The following SUCLG1 variants were observed in gnomAD, a reference collection of about 807,000 sequenced individuals.
SUCLG1 encodes the protein succinate-CoA ligase GDP/ADP-forming subunit alpha.
SUCLG1 carries 26 observed loss-of-function variants against 37.3 expected under a neutral mutation model. That is an observed-to-expected ratio of 0.70 (90% CI 0.51 to 0.97). The LOEUF is 0.97. SUCLG1 is among the 50% of genes least tolerant of loss of function. The pLI is 0.00. For missense variants in SUCLG1, 433 were observed against 432.9 expected, an observed-to-expected ratio of 1.00 and a Z score of 0.00; for synonymous variants, 163 against 155.6, an observed-to-expected ratio of 1.05 and a Z score of -0.36.
At chr2:84,427,359 T>C (rs1051526468) in intron 7 of SUCLG1, among the ~76,000 whole-genome samples, 4 of 152,276 alleles carry the variant, frequency 2.6e-5, no homozygotes, top group Admixed American at 1.3e-4. Flanking sequence ...TTTCTGTCCC[T>C]TGTTAATTTA....
At chr2:84,447,533 A>G (rs1416175589) in intron 2 of SUCLG1, among the ~76,000 whole-genome samples, 3 of 152,190 alleles carry the variant, frequency 2.0e-5, no homozygotes, top group African/African-American at 7.2e-5. Context: ...AATTATATAT[A>G]ATAAATTTAT....
chr2:84,436,083 A>C (rs187621951), intron 5 of SUCLG1, among the ~76,000 whole-genome samples: 10 of 152,294 alleles, frequency 6.6e-5, no homozygotes, highest in African/African-American at 1.9e-4. Flanking sequence ...ATTTCTTGTC[A>C]ACTCTTCTTG....
chr2:84,445,827 A>C (rs1039808993), intron 2 of SUCLG1, among the ~76,000 whole-genome samples: 1 of 152,232 alleles, frequency 6.6e-6, no homozygotes, highest in Non-Finnish European at 1.5e-5. Context: ...TGGTCAAAAC[A>C]TAATGAAGAT....
At chr2:84,432,606 T>A (rs1345632579) in intron 6 of SUCLG1, 1 of 152,266 alleles carries the variant, frequency 6.6e-6, no homozygotes, top group Admixed American at 6.5e-5. Context: ...GTGCTTTGCA[T>A]GTACAAATGC....
intron 1 of SUCLG1, among the ~76,000 whole-genome samples, chr2:84,454,824 G>T (rs567165191): frequency 6.6e-6 from 1 of 152,304 alleles, no homozygotes; most frequent in East Asian, 1.9e-4. Flanking sequence ...TGGTCAAAGA[G>T]CACCTGCCCA....
At chr2:84,447,450 G>T (rs1483783096) in intron 2 of SUCLG1, among the ~76,000 whole-genome samples, 2 of 152,200 alleles carry the variant, frequency 1.3e-5, no homozygotes, top group East Asian at 3.9e-4. Flanking sequence ...CTTACACCAT[G>T]GGCAATGGTT....
chr2:84,439,631 A>G (rs1225354831), intron 5 of SUCLG1, among the ~76,000 whole-genome samples: 1 of 152,234 alleles, frequency 6.6e-6, no homozygotes, highest in Non-Finnish European at 1.5e-5. Flanking sequence ...CCAATTCTGT[A>G]AACTGCACAG....
At chr2:84,447,196 T>A (rs573817277) in intron 2 of SUCLG1, among the ~76,000 whole-genome samples, 3 of 152,222 alleles carry the variant, frequency 2.0e-5, no homozygotes, top group Non-Finnish European at 2.9e-5. Flanking sequence ...TGAGACAATA[T>A]GCAGATTTAC....
intron 5 of SUCLG1, among the ~76,000 whole-genome samples, chr2:84,437,820 C>T (rs1902161): frequency 0.97 from 147,052 of 152,352 alleles, 71,017 homozygotes; most frequent in East Asian, 1. Flanking sequence ...CCAGATGTCT[C>T]TCAACAGGTG....
In SUCLG1 at chr2:84,433,416, G is replaced by A. The variant is rs755498199; in HGVS notation, c.609C>T (p.Gly203=). ...KGRIGIVSRS[G]TLTYEAVHQT... is the part of the protein sequence containing the mutation. ...GGTGAACTGCTTCATAAGTCAGGGT[G>A]CCAGATCTGGACACAATGCCTTAAC... Residue 203 remains glycine (G), a synonymous_variant, in exon 6 of 9, where the codon GGC becomes GGT. Coordinates refer to ENST00000393868, the MANE Select transcript of SUCLG1 (RefSeq NM_003849.4). 1.9e-6 allele frequency: 3 copies of A among 1,613,832 alleles called. 1 individual carries two copies. In the South Asian group the frequency reaches 3.3e-5, roughly 18 times the overall value.
At chr2:84,431,422 T>C in intron 7 of SUCLG1, 86 bp downstream of exon 7, 3 of 1,567,566 alleles carry the variant, frequency 1.9e-6, no homozygotes, top group Non-Finnish European at 2.6e-6. Context: ...CTCAAAAAAT[T>C]CACCTTTGAA....
At chr2:84,425,188 A>G (rs1672513996) in intron 8 of SUCLG1, among the ~76,000 whole-genome samples, 1 of 152,254 alleles carries the variant, frequency 6.6e-6, no homozygotes, top group Non-Finnish European at 1.5e-5. Context: ...TTACAAAAAT[A>G]AAAATCCCAA....
At chr2:84,431,748 T>C in intron 6 of SUCLG1, 89 bp from the exon 7 acceptor site, 1 of 1,365,496 alleles carries the variant, frequency 7.3e-7, no homozygotes, top group Non-Finnish European at 1.0e-6. Context: ...AGTTTGTCAT[T>C]TTTCTTACCC....
rs1038752285 is a variant in SUCLG1 at position 84,441,275 on chromosome 2, A to G, written c.503T>C (p.Ile168Thr). Residue 168 changes from isoleucine (I) to threonine (T), a missense_variant, in exon 4 of 9, where the codon ATT becomes ACT. Coordinates refer to ENST00000393868, the MANE Select transcript of SUCLG1 (RefSeq NM_003849.4). ...GATGACTCCAGGGCAGTTGGGCCCA[A>G]TTAGCCTTGTCTTTTCCTGGCGCAG... Reference protein sequence around the residue: ...KLLRQEKTRLIGPNCPGVINP... With the variant: ...KLLRQEKTRLTGPNCPGVINP... 8 of 1,614,000 alleles carry G rather than the reference A, an allele frequency of 5.0e-6. No homozygotes were observed. The highest frequency in any genetic ancestry group is 6.8e-6 in the Non-Finnish European group (8 of 1,180,028).
intron 2 of SUCLG1, among the ~76,000 whole-genome samples, chr2:84,447,921 G>A (rs1672873988): frequency 6.6e-6 from 1 of 151,802 alleles, no homozygotes; most frequent in African/African-American, 2.4e-5. Context: ...TTGTAGAGAT[G>A]GAATCCCACC....
intron 5 of SUCLG1, chr2:84,433,741 T>G (rs1672644088): frequency 2.4e-6 from 1 of 409,066 alleles, no homozygotes; most frequent in African/African-American, 2.0e-5. Context: ...AAGAAGCTAG[T>G]ATCAGTATAA....
chr2:84,429,213 C>A (rs1672580243), intron 7 of SUCLG1, among the ~76,000 whole-genome samples: 1 of 152,074 alleles, frequency 6.6e-6, no homozygotes, highest in Non-Finnish European at 1.5e-5. Flanking sequence ...TAACAACTAA[C>A]CAGGAATAGG....
chr2:84,455,799 G>A (rs1165601293), intron 1 of SUCLG1, among the ~76,000 whole-genome samples: 1 of 143,220 alleles, frequency 7.0e-6, no homozygotes, highest in African/African-American at 2.6e-5. Context: ...TCACGCCACT[G>A]CACTCCAGCC....
chr2:84,433,298 C>T, intron 6 of SUCLG1, 54 bp downstream of exon 6: 2 of 1,336,688 alleles, frequency 1.5e-6, no homozygotes, highest in Middle Eastern at 1.8e-4. Flanking sequence ...TTATTATACT[C>T]ATCCAATGAA....
Sources: gnomAD v4.1 joint callset for allele counts (sites outside exome capture counted in the v4.1 genomes callset) on GRCh38, gnomAD v4.1.1 for gene constraint, MANE v1.5 for transcripts, NCBI Gene and HGNC (gene_info 2026-07-23, HGNC 2026-07-21) for gene names.